LZTS2: variants seen among roughly 807,000 people sequenced by gnomAD.
LZTS2 encodes the protein leucine zipper tumor suppressor 2, also known as leucine zipper putative tumor suppressor 2.
LZTS2 carries 32 observed loss-of-function variants against 60.6 expected under a neutral mutation model. That is an observed-to-expected ratio of 0.53 (90% CI 0.40 to 0.71). LZTS2 has a LOEUF of 0.71. Ranked by LOEUF, LZTS2 falls within the 30% of genes least tolerant of loss-of-function variation. The pLI is 0.00. For synonymous variants in LZTS2, 360 were observed against 393.1 expected (o/e 0.92, Z 1.00); for missense variants, 792 against 901.9 (o/e 0.88, Z 1.56).
At chr10:101,000,401 GCT>G (rs1852009967) in exon 1 of LZTS2, 1 of 152,224 alleles carries the variant, frequency 6.6e-6, no homozygotes, top group South Asian at 2.1e-4. Flanking sequence ...AGCCGGCCTG[GCT>G]GGGCCTGGCT....
chr10:101,002,598 C>T (rs1852063516), exon 1 of LZTS2: 2 of 1,556,436 alleles, frequency 1.3e-6, no homozygotes, highest in South Asian at 2.4e-5. Context: ...CTGCCACTGC[C>T]CCACAAGCTC....
rs367845610 is a variant in LZTS2, at chr10:100,999,661, G to C, written c.-2878G>C. ...GACTGCCGCCGAGCAGCCCCTACGT[G>C]CGCCCCGGCGGATTCGCGTGACGCG... On this transcript the variant is annotated 5_prime_UTR_variant, in exon 1 of 4. Transcript: ENST00000370220. 2.0e-5 allele frequency: 3 copies of C among 152,086 alleles called. No homozygotes were observed. The East Asian group carries it at 5.8e-4, about 29-fold the overall frequency. The allele number at this position is 152,086 out of a possible 1,614,324, so 9.4% of individuals were successfully genotyped here.
exon 1 of LZTS2, chr10:101,002,309 G>A (rs963496441): frequency 6.8e-6 from 3 of 440,048 alleles, no homozygotes; most frequent in East Asian, 3.6e-5. Context: ...CCTCAGCCCT[G>A]TTCAGACCAG....
At chr10:101,000,177 C>CT (rs1372693041) in exon 1 of LZTS2, 2 of 152,278 alleles carry the variant, frequency 1.3e-5, no homozygotes, top group Non-Finnish European at 2.9e-5. Flanking sequence ...GGGAGGGAGA[C>CT]TTTCCCCAAC....
chr10:101,003,608 C>T (rs748725968), exon 2 of LZTS2: 8 of 1,597,716 alleles, frequency 5.0e-6, no homozygotes, highest in Middle Eastern at 1.7e-4. Flanking sequence ...CTCGGGCCAC[C>T]GGGCTGTCTG....
exon 1 of LZTS2, chr10:101,002,458 C>T (rs934967582): frequency 1.9e-5 from 27 of 1,424,412 alleles, no homozygotes; most frequent in Non-Finnish European, 2.1e-5. Context: ...GGAGGGGTCT[C>T]AAGGTGGAGG....
exon 4 of LZTS2, chr10:101,007,762 T>C (rs1852262479): frequency 1.7e-6 from 1 of 591,968 alleles, no homozygotes; most frequent in Non-Finnish European, 2.2e-6. Context: ...TTTTCACTTG[T>C]ATATTTTTCA....
exon 1 of LZTS2, chr10:101,002,838 C>A (rs529707366): frequency 6.2e-7 from 1 of 1,613,888 alleles, no homozygotes; most frequent in South Asian, 1.1e-5. Context: ...CAGAGTCACC[C>A]CCCAGCCCAA....
chr10:101,004,754 G>A (rs807028), intron 2 of LZTS2, among the ~76,000 whole-genome samples: 128,882 of 152,248 alleles, frequency 0.85, 54,831 homozygotes, highest in Non-Finnish European at 0.87. Context: ...TTCTAGCTTC[G>A]TAGGATTATT....
Position 101,007,817 on chromosome 10 carries a change from A to T in LZTS2, c.*649A>T, listed in dbSNP as rs186627358. On this transcript the variant is annotated 3_prime_UTR_variant, in exon 4 of 4. Coordinates refer to ENST00000370220, the Ensembl canonical transcript of LZTS2. Reference sequence around the variant, plus strand: ...AAACCCAAAGAAAAAATTAAAAAAAATTTTTTTGTTTAAAAATAATGTGAA... The same window carrying T: ...AAACCCAAAGAAAAAATTAAAAAAATTTTTTTTGTTTAAAAATAATGTGAA... 2.0e-3 allele frequency: 586 copies of T among 287,228 alleles called. 5 individuals carry two copies. In the East Asian group the frequency reaches 0.044, roughly 21 times the overall value. 17.8% of individuals were successfully genotyped at this position (287,228 alleles called of 1,614,324 possible). A position where few individuals can be genotyped will look rare whatever the true frequency, so the allele number is the denominator to read the frequency against.
At chr10:100,999,119 C>G (rs1851972074), upstream of LZTS2, 1 of 152,364 alleles carries the variant, frequency 6.6e-6, no homozygotes, top group South Asian at 2.1e-4. Flanking sequence ...AATGACCTCT[C>G]TCTTAGCAAG....
At chr10:101,005,574 C>G in exon 3 of LZTS2, 2 of 1,610,594 alleles carry the variant, frequency 1.2e-6, no homozygotes, top group Middle Eastern at 1.7e-4. Context: ...TGCAGGTGTT[C>G]CAGCTGCAGC....
intron 1 of LZTS2, 90 bp downstream of exon 2, chr10:101,003,036 T>A: frequency 8.8e-6 from 12 of 1,357,864 alleles, no homozygotes; most frequent in Middle Eastern, 1.9e-4. Context: ...GAGGAAAGAG[T>A]GTGGGCTCCA....
In LZTS2 at chr10:101,007,094, G is replaced by C. The variant is rs138321432; in HGVS notation, c.1936G>C (p.Glu646Gln). ...GCTCAGCCTGGAGCTGGAGGCCCGGGAGCTCGCTGACCTGGGCCTGGCCGA... is the reference window on the plus strand; with the variant it reads ...GCTCAGCCTGGAGCTGGAGGCCCGGCAGCTCGCTGACCTGGGCCTGGCCGA... The change falls in exon 4 of 4, where the codon GAG (glutamate) becomes CAG (glutamine). Residue 646 changes from glutamate to glutamine, a missense_variant. By Grantham distance (29) the Glu-to-Gln change is conservative. Transcript: ENST00000370220. The C allele has an allele frequency of 1.5e-4, 236 of 1,611,014 alleles. 1 individual carries two copies. The East Asian group carries it at 4.5e-3, about 31-fold the overall frequency.
exon 1 of LZTS2, chr10:101,002,290 G>T (rs1182108037): frequency 7.9e-6 from 3 of 377,808 alleles, no homozygotes; most frequent in Non-Finnish European, 9.4e-6. Context: ...TCTGCTGAGT[G>T]AATTCACTCC....
Position 101,006,728 on chromosome 10 carries a change from C to T in LZTS2, c.1570C>T (p.Arg524Trp), listed in dbSNP as rs752110270. The change falls in exon 4 of 4, where the codon CGG (arginine) becomes TGG (tryptophan). Residue 524 changes from arginine (R) to tryptophan (W), a missense_variant. Coordinates refer to ENST00000370220, the Ensembl canonical transcript of LZTS2. Reference sequence around the variant, plus strand: ...ACACCGCCAGGAAGCTGAGCAGCTGCGGGAGAAAGCTGGGCAGTTGGATGC... The same window carrying T: ...ACACCGCCAGGAAGCTGAGCAGCTGTGGGAGAAAGCTGGGCAGTTGGATGC... 22 of 1,600,706 alleles carry T rather than the reference C, an allele frequency of 1.4e-5. No individual in the cohort carries two copies. Among genetic ancestry groups the T allele is most frequent in the Non-Finnish European group, 1.4e-5 (17 of 1,173,976 alleles).
chr10:100,999,848 A>AGGGCCGAGGCCGGGGCCG, exon 1 of LZTS2: 1 of 147,500 alleles, frequency 6.8e-6, no homozygotes, highest in African/African-American at 2.5e-5. Context: ...CGCGCGGGCC[A>AGGGCCGAGGCCGGGGCCG]GGGCCGGGGC....
chr10:101,007,406 T>C (rs1852247422), exon 4 of LZTS2: 1 of 1,425,406 alleles, frequency 7.0e-7, no homozygotes, highest in Admixed American at 2.7e-5. Context: ...CTCTTGTTAC[T>C]ACCCACTTCA....
At position 101,004,701 on chromosome 10, in the gene LZTS2, T is replaced by C. The variant is rs1852131735; in HGVS notation, c.1068+535T>C. Among the ~76,000 whole-genome samples the C allele has an allele frequency of 5.3e-5, 8 of 152,370 alleles. No homozygotes were observed. In the South Asian group the frequency reaches 1.4e-3, roughly 28 times the overall value. On this transcript the variant is annotated intron_variant, in intron 2 of 3. Transcript: ENST00000370220. ...TAGTTTTTGGGCTTGAGCAAGTTGC[T>C]TAACTTTACTCAGCCTTTATTTCTT...
Sources: allele counts gnomAD v4.1 joint callset (sites outside exome capture counted in the v4.1 genomes callset), GRCh38; gene constraint gnomAD v4.1.1; transcripts MANE v1.5; gene names NCBI Gene and HGNC (gene_info 2026-07-23, HGNC 2026-07-21).